DPF3: variants seen among roughly 807,000 people sequenced by gnomAD.
DPF3 encodes the protein double PHD fingers 3.
In DPF3, 18 loss-of-function variants were observed where a neutral mutation model predicts 56.8. The observed-to-expected ratio is 0.32, with a 90% CI of 0.22 to 0.47. The LOEUF is 0.47. DPF3 is among the 20% of genes least tolerant of loss of function. The pLI is 1.00. For synonymous variants in DPF3, 188 were observed against 180.2 expected (o/e 1.04, Z -0.35); for missense variants, 403 against 488.8 (o/e 0.82, Z 1.65).
intron 1 of DPF3, among the ~76,000 whole-genome samples, chr14:72,834,489 T>C (rs1157063750): frequency 1.9e-5 from 2 of 106,640 alleles, no homozygotes; most frequent in African/African-American, 4.1e-5. Context: ...AGAGTGAGAC[T>C]GTCTCAAAAA....
chr14:72,879,821 T>G lies in DPF3; in HGVS notation c.32+14236A>C, dbSNP rs778853021. The stretch of plus-strand genomic sequence containing the variant: ...GTTCTTACCCTAGAGCCCATGGGCC[T>G]CCAGGGCATCCAGAGATGGGCTCTT... On this transcript the variant is annotated intron_variant, in intron 1 of 10. Transcript: ENST00000556509. 3.3e-6 allele frequency: 5 copies of G among 1,535,438 alleles called. No individual in the cohort carries two copies. The Admixed American group carries it at 5.9e-5, about 18-fold the overall frequency.
At chr14:72,663,683 G>A (rs1886322780) in intron 8 of DPF3, among the ~76,000 whole-genome samples, 1 of 152,194 alleles carries the variant, frequency 6.6e-6, no homozygotes, top group Admixed American at 6.5e-5. Flanking sequence ...AGCAGTTTCT[G>A]AAAGCAGAGA....
intron 8 of DPF3, among the ~76,000 whole-genome samples, chr14:72,642,659 C>T (rs1280073840): frequency 1.3e-5 from 2 of 152,148 alleles, no homozygotes; most frequent in African/African-American, 4.8e-5. Flanking sequence ...CTCACTGCAC[C>T]AAAGAGCCTG....
chr14:72,661,678 AC>A, intron 8 of DPF3: 1 of 985,326 alleles, frequency 1.0e-6, no homozygotes, highest in Non-Finnish European at 1.2e-6. Flanking sequence ...CTTGGCTCCC[AC>A]CAGCAACTGA....
In DPF3 at chr14:72,821,193, GTGGGAGGCAGAGCC is replaced by G. The variant is rs577114720; in HGVS notation, c.33-49314_33-49301del. Reference sequence around the variant, plus strand: ...CATGCACACTACTTGGGAGGCTGAGGTGGGAGGCAGAGCCTGGGAGGCAGAGTCTGCAGTGAGCT... The same window carrying G: ...CATGCACACTACTTGGGAGGCTGAGGTGGGAGGCAGAGTCTGCAGTGAGCT... On this transcript the variant is annotated intron_variant, in intron 1 of 10. Coordinates refer to ENST00000556509, the MANE Select transcript of DPF3 (RefSeq NM_001280542.3). 5.6e-4 allele frequency among the ~76,000 whole-genome samples: 85 copies of G among 151,966 alleles called. 2 individuals are homozygous for G. Among genetic ancestry groups the G allele is most frequent in the East Asian group, 5.2e-3 (27 of 5,176 alleles).
intron 1 of DPF3, among the ~76,000 whole-genome samples, chr14:72,867,595 A>G (rs1260025767): frequency 6.6e-6 from 1 of 152,242 alleles, no homozygotes; most frequent in African/African-American, 2.4e-5. Context: ...CATAAAAACA[A>G]GAGCATCACA....
intron 8 of DPF3, among the ~76,000 whole-genome samples, chr14:72,663,531 C>T (rs182774094): frequency 2.6e-5 from 4 of 152,334 alleles, no homozygotes; most frequent in Admixed American, 2.0e-4. Context: ...GTGGTTCACA[C>T]AGGTGGGCCC....
In DPF3 at chr14:72,771,724, G is replaced by A. The variant is rs780982427; in HGVS notation, c.193+9C>T. The A allele has an allele frequency of 9.9e-6, 16 of 1,608,586 alleles. No individual in the cohort carries two copies. The highest frequency in any genetic ancestry group is 1.7e-5 in the Admixed American group (1 of 59,684). ...CACATGCGCATGTCCCAGGAGTGGC[G>A]CAGCTCACCTGGGCCTCGGTGCCTC... On this transcript the variant is annotated intron_variant, in intron 2 of 10. Coordinates refer to ENST00000556509, the MANE Select transcript of DPF3 (RefSeq NM_001280542.3).
intron 8 of DPF3, among the ~76,000 whole-genome samples, chr14:72,640,817 C>T (rs1272218342): frequency 6.6e-6 from 1 of 152,146 alleles, no homozygotes; most frequent in Admixed American, 6.5e-5. Flanking sequence ...GAGACAAGAC[C>T]AGGCTAGAGA....
intron 7 of DPF3, among the ~76,000 whole-genome samples, chr14:72,680,211 G>A (rs929031642): frequency 1.3e-5 from 2 of 152,336 alleles, no homozygotes; most frequent in South Asian, 4.1e-4. Flanking sequence ...CTCGCTGGTC[G>A]TGTTTACTCA....
intron 2 of DPF3, among the ~76,000 whole-genome samples, chr14:72,755,123 G>T (rs1890739590): frequency 6.6e-6 from 1 of 152,206 alleles, no homozygotes; most frequent in South Asian, 2.1e-4. Context: ...TGGGCCTTAG[G>T]TTTCCTTCGT....
intron 7 of DPF3, among the ~76,000 whole-genome samples, chr14:72,690,236 G>T (rs1041252532): frequency 6.6e-6 from 1 of 152,294 alleles, no homozygotes; most frequent in South Asian, 2.1e-4. Context: ...AGGCTGTGTG[G>T]CCTCAAGGGG....
chr14:72,892,294 G>A (rs954670984), intron 1 of DPF3: 2 of 1,535,344 alleles, frequency 1.3e-6, no homozygotes, highest in African/African-American at 1.4e-5. Context: ...GAAAGCAACC[G>A]GCAGCGAGGA....
intron 1 of DPF3, among the ~76,000 whole-genome samples, chr14:72,873,496 A>G (rs180933452): frequency 8.7e-4 from 133 of 152,362 alleles, no homozygotes; most frequent in African/African-American, 3.0e-3. Context: ...TAGTTCAACC[A>G]TTGTGGAAGT....
chr14:72,804,450 C>T (rs915182914), intron 1 of DPF3, among the ~76,000 whole-genome samples: 3 of 152,196 alleles, frequency 2.0e-5, no homozygotes, highest in Non-Finnish European at 4.4e-5. Flanking sequence ...CAACAATCCA[C>T]AAAATCTCTA....
intron 8 of DPF3, chr14:72,671,117 G>A: frequency 6.2e-7 from 1 of 1,613,034 alleles, no homozygotes; most frequent in Non-Finnish European, 8.5e-7. Flanking sequence ...TAATTGCCCA[G>A]AGAGTCTGTT....
intron 1 of DPF3, among the ~76,000 whole-genome samples, chr14:72,835,187 C>T (rs749821412): frequency 5.9e-5 from 9 of 152,134 alleles, no homozygotes; most frequent in Non-Finnish European, 1.3e-4. Context: ...CCTGCCTCAG[C>T]GTCCTGAGTA....
intron 1 of DPF3, among the ~76,000 whole-genome samples, chr14:72,873,192 C>T (rs1278753449): frequency 6.6e-6 from 1 of 152,038 alleles, no homozygotes; most frequent in Non-Finnish European, 1.5e-5. Context: ...GGGCTAATAT[C>T]CAGAATCTAC....
intron 1 of DPF3, among the ~76,000 whole-genome samples, chr14:72,834,213 G>A (rs886798125): frequency 1.3e-5 from 2 of 151,738 alleles, no homozygotes; most frequent in African/African-American, 4.8e-5. Context: ...AACCCACAAT[G>A]AGGCCAGGCA....
Sources: allele counts gnomAD v4.1 joint callset (sites outside exome capture counted in the v4.1 genomes callset), GRCh38; gene constraint gnomAD v4.1.1; transcripts MANE v1.5; gene names NCBI Gene and HGNC (gene_info 2026-07-23, HGNC 2026-07-21).